The following ROBO1 variants were observed in gnomAD, a reference collection of about 807,000 sequenced individuals.
ROBO1 encodes the protein roundabout homolog 1.
A neutral mutation model predicts 195.9 loss-of-function variants in ROBO1; 149 were observed. The ratio of observed to expected loss-of-function variants is 0.76; its 90% CI spans 0.67 to 0.87. ROBO1 has a LOEUF of 0.87. Ranked by LOEUF, ROBO1 falls within the 40% of genes least tolerant of loss-of-function variation. The probability of loss-of-function intolerance (pLI) is 0.00; values close to 1 mark genes in which losing one functional copy is unlikely to be tolerated. For synonymous variants in ROBO1, 816 were observed against 733.2 expected (o/e 1.11, Z -1.82); for missense variants, 1,933 against 2,068.3 (o/e 0.93, Z 1.27).
At chr3:79,511,494 G>T (rs577292035) in intron 2 of ROBO1, among the ~76,000 whole-genome samples, 9 of 152,114 alleles carry the variant, frequency 5.9e-5, no homozygotes, top group African/African-American at 2.2e-4. Flanking sequence ...TCATCATCTT[G>T]TTTCCACCCA....
At chr3:78,828,660 T>G (rs2108726031) in intron 4 of ROBO1, among the ~76,000 whole-genome samples, 1 of 152,298 alleles carries the variant, frequency 6.6e-6, no homozygotes, top group Middle Eastern at 3.4e-3. Flanking sequence ...CATGGAATAT[T>G]GTAACCATTA....
chr3:78,633,763 T>C (rs543691634), intron 24 of ROBO1, among the ~76,000 whole-genome samples, 172 bp downstream of exon 24: 1 of 152,292 alleles, frequency 6.6e-6, no homozygotes, highest in South Asian at 2.1e-4. Flanking sequence ...TAAAATGATT[T>C]AGTGAGTGGA....
intron 3 of ROBO1, among the ~76,000 whole-genome samples, chr3:78,967,435 C>T (rs889991037): frequency 6.6e-6 from 1 of 151,778 alleles, no homozygotes; most frequent in Non-Finnish European, 1.5e-5. Context: ...TCTAACTTCC[C>T]TCCTTCCAAA....
At chr3:78,773,457 T>C (rs2108440502) in intron 4 of ROBO1, among the ~76,000 whole-genome samples, 1 of 152,288 alleles carries the variant, frequency 6.6e-6, no homozygotes, top group African/African-American at 2.4e-5. Context: ...ATTCTACTCA[T>C]TTGTATTTTA....
chr3:79,534,574 T>A (rs1941784027), intron 2 of ROBO1, among the ~76,000 whole-genome samples: 1 of 152,146 alleles, frequency 6.6e-6, no homozygotes, highest in South Asian at 2.1e-4. Flanking sequence ...TGAATATATG[T>A]TACTTCCTGT....
intron 2 of ROBO1, among the ~76,000 whole-genome samples, chr3:79,362,196 A>C (rs1299706580): frequency 6.6e-6 from 1 of 152,162 alleles, no homozygotes; most frequent in African/African-American, 2.4e-5. Flanking sequence ...TGAAAGATAC[A>C]AGACAGTAGC....
chr3:79,537,958 A>C (rs1214009021), intron 2 of ROBO1, among the ~76,000 whole-genome samples: 1 of 152,194 alleles, frequency 6.6e-6, no homozygotes, highest in Non-Finnish European at 1.5e-5. Flanking sequence ...ACTGAAAAAA[A>C]TAATTGCAAA....
chr3:78,901,533 T>A (rs2037587992), intron 4 of ROBO1, among the ~76,000 whole-genome samples: 1 of 152,208 alleles, frequency 6.6e-6, no homozygotes, highest in African/African-American at 2.4e-5. Flanking sequence ...CAGTAGGGAT[T>A]TCTAAAATAA....
chr3:78,634,669 T>C (rs561802382), intron 23 of ROBO1: 137 of 157,956 alleles, frequency 8.7e-4, no homozygotes, highest in African/African-American at 3.1e-3. Context: ...GAATCACCAC[T>C]GCAAACTCCA....
At chr3:79,121,740 G>A (rs1365351693) in intron 3 of ROBO1, among the ~76,000 whole-genome samples, 1 of 151,880 alleles carries the variant, frequency 6.6e-6, no homozygotes, top group African/African-American at 2.4e-5. Context: ...ATTTTAGTAT[G>A]TAAAATTAGG....
intron 1 of ROBO1, among the ~76,000 whole-genome samples, chr3:79,606,877 G>C (rs770854444): frequency 4.6e-5 from 7 of 151,806 alleles, no homozygotes; most frequent in Non-Finnish European, 1.0e-4. Context: ...AATTTTTGAA[G>C]TAAGTTATTG....
At position 79,547,372 on chromosome 3, in the gene ROBO1, G is replaced by A. The variant is rs561595847; in HGVS notation, c.88+42452C>T. On this transcript the variant is annotated intron_variant, in intron 2 of 30. Transcript: ENST00000464233. ...AGGAGTCTGCAGATTTTATATGAAC[G>A]TGAGGAGGAAAATGAGAACTAAGAT... 3.3e-5 allele frequency among the ~76,000 whole-genome samples: 5 copies of A among 151,988 alleles called. No homozygotes were observed. The East Asian group carries it at 7.8e-4, about 24-fold the overall frequency.
chr3:78,875,784 A>C (rs2035805971), intron 4 of ROBO1, among the ~76,000 whole-genome samples: 1 of 152,058 alleles, frequency 6.6e-6, no homozygotes, highest in Admixed American at 6.6e-5. Context: ...AGCAGAATCA[A>C]AGTGAAAAAT....
intron 8 of ROBO1, among the ~76,000 whole-genome samples, chr3:78,695,533 G>A (rs564608407): frequency 1.2e-4 from 18 of 151,638 alleles, no homozygotes; most frequent in South Asian, 4.2e-4. Context: ...GCTGAGGCAG[G>A]GGAATTGTTT....
At chr3:78,671,724 T>G (rs528043710) in intron 10 of ROBO1, among the ~76,000 whole-genome samples, 121 of 152,144 alleles carry the variant, frequency 8.0e-4, no homozygotes, top group South Asian at 5.2e-3. Flanking sequence ...TATCAAGGGG[T>G]GAATTAGAAG....
At chr3:79,765,473 G>C (rs779425147) in intron 1 of ROBO1, among the ~76,000 whole-genome samples, 14 of 152,112 alleles carry the variant, frequency 9.2e-5, no homozygotes, top group Non-Finnish European at 2.1e-4. Flanking sequence ...AAATCAACAT[G>C]ATGCATGCTT....
chr3:79,294,237 G>A (rs1192168728), intron 2 of ROBO1, among the ~76,000 whole-genome samples: 2 of 151,962 alleles, frequency 1.3e-5, no homozygotes, highest in African/African-American at 4.8e-5. Context: ...CATGGTATTG[G>A]TACCAAAACA....
At chr3:78,760,958 T>A (rs1384735470) in intron 4 of ROBO1, among the ~76,000 whole-genome samples, 1 of 152,168 alleles carries the variant, frequency 6.6e-6, no homozygotes, top group African/African-American at 2.4e-5. Context: ...TGTTCTTTTT[T>A]AAATTGTAAC....
chr3:78,809,321 A>G (rs1353955269), intron 4 of ROBO1, among the ~76,000 whole-genome samples: 2 of 152,216 alleles, frequency 1.3e-5, no homozygotes, highest in Non-Finnish European at 2.9e-5. Flanking sequence ...AATGATGATC[A>G]TTAAAATGTC....
Sources: gnomAD v4.1 joint callset for allele counts (sites outside exome capture counted in the v4.1 genomes callset) on GRCh38, gnomAD v4.1.1 for gene constraint, MANE v1.5 for transcripts, NCBI Gene and HGNC (gene_info 2026-07-23, HGNC 2026-07-21) for gene names.